The following TBC1D31 variants were observed in gnomAD, a reference collection of about 807,000 sequenced individuals.
TBC1D31 encodes the protein WD repeat domain 67.
In TBC1D31, 99 loss-of-function variants were observed where a neutral mutation model predicts 132.9. That is an observed-to-expected ratio of 0.74 (90% CI 0.63 to 0.88). The LOEUF is 0.88. Ranked by LOEUF, TBC1D31 falls within the 40% of genes least tolerant of loss-of-function variation. The pLI, the probability that TBC1D31 is intolerant of heterozygous loss-of-function variation, is 0.00. For missense variants in TBC1D31, 1,134 were observed against 1,256.6 expected (o/e 0.90, Z 1.48); for synonymous variants, 385 against 419.4 (o/e 0.92, Z 1.00).
At chr8:123,141,737 GAGTCTCCTC>G (rs1172714112) in intron 18 of TBC1D31, among the ~76,000 whole-genome samples, 3 of 150,144 alleles carry the variant, frequency 2.0e-5, no homozygotes, top group Non-Finnish European at 4.4e-5. Context: ...CTCTTCTTCA[GAGTCTCCTC>G]TTCAGAGTGC....
At chr8:123,091,733 G>T (rs148641226) in intron 4 of TBC1D31, among the ~76,000 whole-genome samples, 1 of 152,186 alleles carries the variant, frequency 6.6e-6, no homozygotes, top group East Asian at 1.9e-4. Flanking sequence ...TATATTCAAG[G>T]CCACTGAAAC....
chr8:123,089,410 T>C (rs1816116338), intron 4 of TBC1D31, among the ~76,000 whole-genome samples: 1 of 152,226 alleles, frequency 6.6e-6, no homozygotes, highest in Non-Finnish European at 1.5e-5. Flanking sequence ...ATTATCTCAG[T>C]GCAGTTAGAT....
chr8:123,136,693 C>T (rs186572957), intron 17 of TBC1D31, among the ~76,000 whole-genome samples: 1 of 152,096 alleles, frequency 6.6e-6, no homozygotes, highest in East Asian at 1.9e-4. Flanking sequence ...TCAGGTAATC[C>T]GCCCGCCTCG....
At chr8:123,142,021 C>T (rs528634475) in intron 18 of TBC1D31, among the ~76,000 whole-genome samples, 2 of 152,006 alleles carry the variant, frequency 1.3e-5, no homozygotes, top group East Asian at 3.9e-4. Flanking sequence ...CTGCCACGCC[C>T]AGCTAATTTC....
At chr8:123,102,299 G>C (rs1410000897) in intron 7 of TBC1D31, 1 of 456,358 alleles carries the variant, frequency 2.2e-6, no homozygotes, top group Non-Finnish European at 4.4e-6. Flanking sequence ...GCAGTTCTGG[G>C]TGTTCCAATT....
intron 6 of TBC1D31, among the ~76,000 whole-genome samples, chr8:123,099,910 G>C (rs182748081): frequency 6.6e-6 from 1 of 152,214 alleles, no homozygotes; most frequent in Non-Finnish European, 1.5e-5. Context: ...GAGAAAGGGA[G>C]GGAGGAATGG....
chr8:123,162,100 TATATAA>T, the TBC1D31 span, among the ~76,000 whole-genome samples: 1 of 151,162 alleles, frequency 6.6e-6, no homozygotes, highest in African/African-American at 2.4e-5. Flanking sequence ...ATTTTGAATA[TATATAA>T]ATATGTCTCC....
intron 20 of TBC1D31, among the ~76,000 whole-genome samples, chr8:123,148,758 C>T (rs995764253): frequency 6.6e-6 from 1 of 152,146 alleles, no homozygotes; most frequent in African/African-American, 2.4e-5. Context: ...TGGTTTACGC[C>T]TCTAATCCCA....
intron 17 of TBC1D31, among the ~76,000 whole-genome samples, chr8:123,136,055 G>A (rs933510535): frequency 1.1e-4 from 17 of 152,024 alleles, no homozygotes; most frequent in African/African-American, 3.1e-4. Flanking sequence ...TGTTACAGAC[G>A]TGATGCTCCT....
At chr8:123,077,632 A>G (rs1029168795) in intron 2 of TBC1D31, among the ~76,000 whole-genome samples, 2 of 151,010 alleles carry the variant, frequency 1.3e-5, no homozygotes, top group Non-Finnish European at 2.9e-5. Flanking sequence ...CCCAGGTTCC[A>G]GCTACCGCAC....
chr8:123,104,688 CG>C (rs1203159119), intron 7 of TBC1D31, among the ~76,000 whole-genome samples: 1 of 151,824 alleles, frequency 6.6e-6, no homozygotes, highest in Non-Finnish European at 1.5e-5. Context: ...GGTTTTTTTC[CG>C]TGTTTGATGG....
chr8:123,132,723 A>T, intron 16 of TBC1D31, among the ~76,000 whole-genome samples: 1 of 152,102 alleles, frequency 6.6e-6, no homozygotes, highest in Non-Finnish European at 1.5e-5. Context: ...AAGTATTTTT[A>T]ATTCAATAGT....
chr8:123,100,014 C>G (rs1289665540), intron 6 of TBC1D31, among the ~76,000 whole-genome samples: 2 of 152,144 alleles, frequency 1.3e-5, no homozygotes, highest in African/African-American at 4.8e-5. Context: ...AGCCGTCATG[C>G]CCTAATCACC....
rs375263253 is a variant in TBC1D31, at chr8:123,128,329, C to T, written c.1933C>T (p.Gln645Ter). 2 of 1,612,664 alleles carry T rather than the reference C, an allele frequency of 1.2e-6. No individual in the cohort carries two copies. Among genetic ancestry groups the T allele is most frequent in the African/African-American group, 2.7e-5 (2 of 74,756 alleles). ...NNLDINVVIR[Q>*]VYHLMETTPT... Reference sequence around the variant, plus strand: ...CCTGGATATAAATGTTGTGATTAGACAAGTTTATCATCTCATGGAGACCAC... The same window carrying T: ...CCTGGATATAAATGTTGTGATTAGATAAGTTTATCATCTCATGGAGACCAC... The change falls in exon 14 of 22, where the codon CAA becomes TAA. Residue 645 changes from glutamine to a stop codon, truncating the protein, a stop_gained. Transcript: ENST00000287380. LOFTEE classifies it high-confidence loss of function.
chr8:123,077,805 T>G (rs1340038696), intron 2 of TBC1D31, among the ~76,000 whole-genome samples: 1 of 152,124 alleles, frequency 6.6e-6, no homozygotes, highest in East Asian at 1.9e-4. Context: ...ATCCAGAAAT[T>G]TGGGAGGCCA....
rs755691611 is a variant in TBC1D31, at chr8:123,109,540, T to C, written c.1356T>C (p.Asp452=). 1.9e-6 allele frequency: 3 copies of C among 1,614,012 alleles called. No homozygotes were observed. The highest frequency in any genetic ancestry group is 1.3e-5 in the African/African-American group (1 of 75,030). ...ATACTGCGTTTAGTACCCTCATAGATAAGGGGACTCATGTGGCATTTCTCA... is the reference window on the plus strand; with the variant it reads ...ATACTGCGTTTAGTACCCTCATAGACAAGGGGACTCATGTGGCATTTCTCA... ...ENHTAFSTLI[D]KGTHVAFLNL... The change falls in exon 10 of 22, where the codon GAT becomes GAC. Residue 452 remains aspartate (D), a synonymous_variant. Coordinates refer to ENST00000287380, the MANE Select transcript of TBC1D31 (RefSeq NM_145647.4).
At chr8:123,140,654 A>T (rs889567862) in intron 17 of TBC1D31, 107 bp from the exon 18 acceptor site, 6 of 909,924 alleles carry the variant, frequency 6.6e-6, no homozygotes, top group Non-Finnish European at 8.1e-6. Flanking sequence ...TGAAAATTAG[A>T]TGATTACAGC....
chr8:123,155,701 C>T (rs182559525), downstream of TBC1D31, among the ~76,000 whole-genome samples: 3 of 152,284 alleles, frequency 2.0e-5, no homozygotes, highest in Admixed American at 2.0e-4. The surrounding 1 kb of genome is among the most constrained non-coding windows in gnomAD (Gnocchi z 4.1). Flanking sequence ...TGAGGAAGGA[C>T]CCTGAAGCAG....
At chr8:123,121,866 T>G (rs1819519904) in intron 11 of TBC1D31, among the ~76,000 whole-genome samples, 1 of 152,054 alleles carries the variant, frequency 6.6e-6, no homozygotes, top group Non-Finnish European at 1.5e-5. Context: ...AACAAGCCAA[T>G]TAAAAAATGA....
Sources: allele counts gnomAD v4.1 joint callset (sites outside exome capture counted in the v4.1 genomes callset), GRCh38; gene constraint gnomAD v4.1.1; non-coding constraint Gnocchi (gnomAD v3.1); transcripts MANE v1.5; gene names NCBI Gene and HGNC (gene_info 2026-07-23, HGNC 2026-07-21).